Variants in TCF4 observed in about 807,000 individuals in gnomAD.
The protein encoded by TCF4 is SL3-3 enhancer factor 2.
In TCF4, 3 loss-of-function variants were observed where a neutral mutation model predicts 82.1. The ratio of observed to expected loss-of-function variants is 0.04; its 90% CI spans 0.02 to 0.09. The LOEUF is 0.09. TCF4 is among the 10% of genes least tolerant of loss of function. TCF4 has a pLI of 1.00. For synonymous variants in TCF4, 276 were observed against 309.6 expected (o/e 0.89, Z 1.14); for missense variants, 518 against 852.7 (o/e 0.61, Z 4.89).
At chr18:55,491,240 G>C (rs572348256) in intron 3 of TCF4, among the ~76,000 whole-genome samples, 2 of 152,210 alleles carry the variant, frequency 1.3e-5, no homozygotes, top group Non-Finnish European at 2.9e-5. Context: ...GAGACATTAA[G>C]AGCTATAACA....
At chr18:55,576,345 G>A (rs576289120) in intron 3 of TCF4, among the ~76,000 whole-genome samples, 1 of 152,062 alleles carries the variant, frequency 6.6e-6, no homozygotes, top group South Asian at 2.1e-4. Context: ...TTTCCATCCC[G>A]ACACTACCAT....
At position 55,403,465 on chromosome 18, in the gene TCF4, C is replaced by G; in HGVS notation, c.358G>C (p.Gly120Arg). ...AGATTCTCACTTACCTGGTGGCAAC[C>G]CTGTAAGTTTGATTCTCTCCCATAA... is the stretch of plus-strand genomic sequence containing the variant. ...SSYGRESNLQ[G>R]CHQQSLLGGD... The change falls in exon 6 of 20, where the codon GGT becomes CGT. Residue 120 changes from glycine (G) to arginine (R), a missense_variant. This residue lies in a region of TCF4 where 80 missense variants were observed against 93.8 expected (regional missense o/e 0.85). Transcript: ENST00000354452. 1 of 1,613,774 alleles carries G rather than the reference C, an allele frequency of 6.2e-7. No homozygotes were observed. Among genetic ancestry groups the G allele is most frequent in the Non-Finnish European group, 8.5e-7 (1 of 1,179,792 alleles).
At chr18:55,254,416 A>T (rs2056208963) in intron 15 of TCF4, 81 bp downstream of exon 15, 4 of 1,386,618 alleles carry the variant, frequency 2.9e-6, no homozygotes, top group African/African-American at 1.4e-5. Flanking sequence ...CTGATTTTTT[A>T]AAAAACAGCA....
chr18:55,306,272 C>T (rs1044625362), intron 8 of TCF4, among the ~76,000 whole-genome samples: 1 of 152,032 alleles, frequency 6.6e-6, no homozygotes, highest in African/African-American at 2.4e-5. Flanking sequence ...TTTAGCATGC[C>T]TTTGAATTGC....
At chr18:55,351,134 A>G in intron 6 of TCF4, 131 bp from the exon 7 acceptor site, 2 of 1,177,708 alleles carry the variant, frequency 1.7e-6, no homozygotes, top group Non-Finnish European at 2.4e-6. Context: ...CAATTAAAAC[A>G]AAACAAAAAC....
At chr18:55,411,323 T>C (rs2094336275) in intron 5 of TCF4, among the ~76,000 whole-genome samples, 1 of 152,236 alleles carries the variant, frequency 6.6e-6, no homozygotes, top group Non-Finnish European at 1.5e-5. Context: ...CAGTGATGCC[T>C]ACCCTATCTT....
intron 15 of TCF4, among the ~76,000 whole-genome samples, chr18:55,244,636 GTC>G (rs2052461707): frequency 6.6e-6 from 1 of 152,214 alleles, no homozygotes; most frequent in Non-Finnish European, 1.5e-5. Context: ...GGCCTCTGAA[GTC>G]TTTCTCACTT....
intron 8 of TCF4, among the ~76,000 whole-genome samples, chr18:55,318,502 A>G (rs888628027): frequency 4.0e-5 from 6 of 151,458 alleles, no homozygotes; most frequent in Non-Finnish European, 8.9e-5. Context: ...TGCATAGAGG[A>G]AAAAAAAATC....
chr18:55,367,372 A>G (rs1223047824), intron 6 of TCF4, among the ~76,000 whole-genome samples: 2 of 152,242 alleles, frequency 1.3e-5, no homozygotes, highest in East Asian at 1.9e-4. Context: ...AACATACAGT[A>G]CAAGTCTTGG....
rs2048812935 is a variant in TCF4 at position 55,234,540 on chromosome 18, C to A, written c.1486+8G>T. The A allele has an allele frequency of 6.2e-7, 1 of 1,614,110 alleles. No individual in the cohort carries two copies. Among genetic ancestry groups the A allele is most frequent in the Middle Eastern group, 1.6e-4 (1 of 6,062 alleles). On this transcript the variant is annotated splice_region_variant and intron_variant, in intron 16 of 19. Coordinates refer to ENST00000354452, the MANE Select transcript of TCF4 (RefSeq NM_001083962.2). ...GAGGTCAGAAGTGCCCTGGTGAGGC[C>A]AACCTACCTCTGTAAGGGTCCTGGG... is the stretch of plus-strand genomic sequence containing the variant.
intron 15 of TCF4, among the ~76,000 whole-genome samples, chr18:55,238,438 T>TAAG (rs2050199900): frequency 6.6e-6 from 1 of 152,226 alleles, no homozygotes; most frequent in Non-Finnish European, 1.5e-5. Flanking sequence ...TGCCTGTCAC[T>TAAG]TTGGGAGACA....
intron 3 of TCF4, among the ~76,000 whole-genome samples, chr18:55,476,539 G>A (rs767237592): frequency 9.2e-5 from 14 of 151,662 alleles, no homozygotes; most frequent in Admixed American, 3.9e-4. Context: ...GCAGTGGTGC[G>A]ATCAGGGCTC....
At chr18:55,607,151 T>C (rs1004824325) in intron 2 of TCF4, among the ~76,000 whole-genome samples, 4 of 152,204 alleles carry the variant, frequency 2.6e-5, no homozygotes, top group African/African-American at 9.6e-5. Flanking sequence ...TTTCCAAGTA[T>C]TGTATTTTCT....
chr18:55,293,431 C>T (rs1232072762), intron 8 of TCF4, among the ~76,000 whole-genome samples: 2 of 152,080 alleles, frequency 1.3e-5, no homozygotes, highest in African/African-American at 4.8e-5. Context: ...TTCTTCATTC[C>T]ACCAAGAAAA....
intron 3 of TCF4, among the ~76,000 whole-genome samples, chr18:55,503,640 G>T: frequency 6.6e-6 from 1 of 152,186 alleles, no homozygotes; most frequent in Middle Eastern, 3.4e-3. Context: ...CTCAAGAACC[G>T]CAATTTTCAG....
At chr18:55,385,338 C>T (rs961364023) in intron 6 of TCF4, among the ~76,000 whole-genome samples, 1 of 152,228 alleles carries the variant, frequency 6.6e-6, no homozygotes, top group African/African-American at 2.4e-5. Context: ...TCTTCTTCTT[C>T]ACCTATGCCA....
chr18:55,349,217 T>C (rs370622249), intron 8 of TCF4, among the ~76,000 whole-genome samples: 51 of 152,256 alleles, frequency 3.3e-4, no homozygotes, highest in East Asian at 2.1e-3. Flanking sequence ...ACCAACTCTA[T>C]GATAATCAGC....
chr18:55,425,374 A>G (rs2094934550), intron 5 of TCF4, among the ~76,000 whole-genome samples: 1 of 150,756 alleles, frequency 6.6e-6, no homozygotes, highest in South Asian at 2.1e-4. Context: ...TTGAGGATTC[A>G]GTATGCTTCC....
At chr18:55,415,553 G>C (rs1438770209) in intron 5 of TCF4, among the ~76,000 whole-genome samples, 2 of 152,200 alleles carry the variant, frequency 1.3e-5, no homozygotes, top group Non-Finnish European at 2.9e-5. Flanking sequence ...CTGTATGGGG[G>C]AGGAGGGGTA....
Sources: gnomAD v4.1 joint callset for allele counts (sites outside exome capture counted in the v4.1 genomes callset) on GRCh38, gnomAD v4.1.1 for gene constraint, gnomAD v4.1.1 regional missense constraint, MANE v1.5 for transcripts, NCBI Gene and HGNC (gene_info 2026-07-23, HGNC 2026-07-21) for gene names.